Variants in MARCHF1 observed in about 807,000 individuals in gnomAD.
The protein encoded by MARCHF1 is E3 ubiquitin-protein ligase MARCHF1.
Under a neutral mutation model 54.2 loss-of-function variants are expected in MARCHF1, and 40 were observed. That is an observed-to-expected ratio of 0.74 (90% confidence interval 0.57 to 0.96). The LOEUF is 0.96. Ranked by LOEUF, MARCHF1 falls within the 40% of genes least tolerant of loss-of-function variation. The pLI, the probability that MARCHF1 is intolerant of heterozygous loss-of-function variation, is 0.00. For missense variants in MARCHF1, 586 were observed against 656.5 expected, an observed-to-expected ratio of 0.89 and a Z score of 1.17; for synonymous variants, 236 against 236.3, an observed-to-expected ratio of 1.00 and a Z score of 0.01.
At chr4:163,892,590 AAAAAAT>A (rs552351060) in intron 3 of MARCHF1, among the ~76,000 whole-genome samples, 226 of 151,444 alleles carry the variant, frequency 1.5e-3, no homozygotes, top group African/African-American at 4.9e-3. Flanking sequence ...AAAGTATAAT[AAAAAAT>A]AAAAATAAAA....
intron 8 of MARCHF1, among the ~76,000 whole-genome samples, chr4:163,569,691 T>C (rs1361829470): frequency 6.6e-6 from 1 of 152,162 alleles, no homozygotes. Flanking sequence ...CTGCTGACTC[T>C]ACAGCTCAAG....
intron 2 of MARCHF1, among the ~76,000 whole-genome samples, chr4:164,000,477 GAA>G (rs1486881037): frequency 6.6e-6 from 1 of 151,528 alleles, no homozygotes; most frequent in African/African-American, 2.4e-5. Context: ...AAATATATGA[GAA>G]AAGAGAAAGA....
chr4:163,888,526 CT>C (rs1279760407), intron 3 of MARCHF1, among the ~76,000 whole-genome samples: 1 of 152,130 alleles, frequency 6.6e-6, no homozygotes, highest in African/African-American at 2.4e-5. Context: ...TCCTTCTGCA[CT>C]TTTGTCTTTA....
At chr4:163,720,561 GA>G (rs1427038034) in intron 4 of MARCHF1, among the ~76,000 whole-genome samples, 1 of 152,104 alleles carries the variant, frequency 6.6e-6, no homozygotes, top group African/African-American at 2.4e-5. Flanking sequence ...CCAATTCTGT[GA>G]AAAAAGTCAT....
At chr4:164,210,254 G>C (rs1461072385) in intron 1 of MARCHF1, among the ~76,000 whole-genome samples, 1 of 152,138 alleles carries the variant, frequency 6.6e-6, no homozygotes, top group Non-Finnish European at 1.5e-5. Flanking sequence ...CTGCGAAGAT[G>C]AGAAAAAGCT....
intron 4 of MARCHF1, among the ~76,000 whole-genome samples, chr4:163,828,556 G>A (rs1434647300): frequency 6.6e-6 from 1 of 152,090 alleles, no homozygotes; most frequent in African/African-American, 2.4e-5. Flanking sequence ...CGGAAAGTAA[G>A]TCATACTGAT....
chr4:163,733,167 C>CTCTCTA (rs1234654057), intron 4 of MARCHF1, among the ~76,000 whole-genome samples: 6 of 63,260 alleles, frequency 9.5e-5, no homozygotes, highest in African/African-American at 3.9e-4. Context: ...CTCTCTCTCT[C>CTCTCTA]TGTATGTGTG....
intron 1 of MARCHF1, among the ~76,000 whole-genome samples, chr4:164,166,573 A>C (rs1449158394): frequency 6.6e-6 from 1 of 151,952 alleles, no homozygotes; most frequent in East Asian, 1.9e-4. Flanking sequence ...AAGCTTTTCC[A>C]CTAAGATGTA....
intron 2 of MARCHF1, among the ~76,000 whole-genome samples, chr4:164,045,252 C>T (rs1361942343): frequency 3.3e-5 from 5 of 152,008 alleles, no homozygotes; most frequent in Non-Finnish European, 7.4e-5. Flanking sequence ...TAGCTCACAC[C>T]TGTAATACTT....
chr4:164,226,674 T>C (rs1732264269), intron 1 of MARCHF1, among the ~76,000 whole-genome samples: 3 of 152,048 alleles, frequency 2.0e-5, no homozygotes, highest in African/African-American at 4.8e-5. Flanking sequence ...TGTGTATATA[T>C]ATAAAATATA....
chr4:163,708,385 G>T (rs1382119373), intron 4 of MARCHF1, among the ~76,000 whole-genome samples: 8 of 151,856 alleles, frequency 5.3e-5, no homozygotes, highest in Non-Finnish European at 7.4e-5. Context: ...TACAGCCAGG[G>T]AATATATCTT....
chr4:164,287,355 C>G (rs745702808), intron 1 of MARCHF1, among the ~76,000 whole-genome samples: 2 of 152,078 alleles, frequency 1.3e-5, no homozygotes, highest in African/African-American at 4.8e-5. Context: ...CCTTGCCTGT[C>G]ACTCCAAAGG....
intron 3 of MARCHF1, among the ~76,000 whole-genome samples, chr4:163,922,752 T>A (rs1266008737): frequency 1.3e-5 from 2 of 152,208 alleles, no homozygotes; most frequent in Non-Finnish European, 2.9e-5. Context: ...AAATGCTAAA[T>A]GACACACATC....
intron 1 of MARCHF1, among the ~76,000 whole-genome samples, chr4:164,152,020 T>C (rs981592703): frequency 6.6e-6 from 1 of 152,192 alleles, no homozygotes; most frequent in South Asian, 2.1e-4. Flanking sequence ...TAGTGCCTAC[T>C]GTTTGCCAAG....
rs182312990 is a variant in MARCHF1, at chr4:163,900,484, G to C, written c.-38-46315C>G. On this transcript the variant is annotated intron_variant, in intron 3 of 9. Coordinates refer to ENST00000514618, the MANE Select transcript of MARCHF1 (RefSeq NM_001394959.1). ...CCTAAACAATAGTACCTAGGGACTT[G>C]TTCTGTAGTTGAGTTGGATAATAAG... Among the ~76,000 whole-genome samples, 3 of 152,226 alleles carry C rather than the reference G, an allele frequency of 2.0e-5. No individual in the cohort carries two copies. In the East Asian group the frequency reaches 5.8e-4, roughly 29 times the overall value.
chr4:163,557,414 A>G (rs1407819338), intron 8 of MARCHF1, among the ~76,000 whole-genome samples: 3 of 152,168 alleles, frequency 2.0e-5, no homozygotes, highest in African/African-American at 7.2e-5. Flanking sequence ...CTTCAGGGGG[A>G]CTAAGAATCT....
chr4:164,224,289 T>C (rs1732192469), intron 1 of MARCHF1, among the ~76,000 whole-genome samples: 1 of 151,872 alleles, frequency 6.6e-6, no homozygotes, highest in Admixed American at 6.6e-5. Flanking sequence ...TTAGCATTAG[T>C]GTATTTTATG....
At chr4:163,943,748 TAAAAA>T (rs5863641) in intron 3 of MARCHF1, among the ~76,000 whole-genome samples, 1,680 of 123,460 alleles carry the variant, frequency 0.014, 35 homozygotes, top group African/African-American at 0.044. Flanking sequence ...AAATAGAAGT[TAAAAA>T]AAAAAAAAAA....
chr4:163,627,695 A>C (rs914189191), intron 5 of MARCHF1, among the ~76,000 whole-genome samples: 3 of 152,150 alleles, frequency 2.0e-5, no homozygotes, highest in Non-Finnish European at 4.4e-5. Context: ...AAAAACCCTA[A>C]AAATTTAATT....
Sources: allele counts gnomAD v4.1 joint callset (sites outside exome capture counted in the v4.1 genomes callset), GRCh38; gene constraint gnomAD v4.1.1; transcripts MANE v1.5; gene names NCBI Gene and HGNC (gene_info 2026-07-23, HGNC 2026-07-21).